BBS9: variants seen among roughly 807,000 people sequenced by gnomAD.
The protein encoded by BBS9 is protein PTHB1.
In BBS9, 89 loss-of-function variants were observed where a neutral mutation model predicts 117.7. The ratio of observed to expected loss-of-function variants is 0.76; its 90% confidence interval spans 0.64 to 0.90. The LOEUF (loss-of-function observed/expected upper bound fraction) is 0.90, where lower values mean the gene tolerates loss of function less well. Ranked by LOEUF, BBS9 falls within the 40% of genes least tolerant of loss-of-function variation. BBS9 has a pLI of 0.00. For missense variants in BBS9, 982 were observed against 1,042.2 expected (o/e 0.94, Z 0.80); for synonymous variants, 379 against 370.9 (o/e 1.02, Z -0.25).
chr7:33,507,911 C>T (rs1846374797), intron 20 of BBS9, among the ~76,000 whole-genome samples: 1 of 152,168 alleles, frequency 6.6e-6, no homozygotes, highest in Admixed American at 6.5e-5. Flanking sequence ...TCTCTCCTGA[C>T]TTGTCATGGC....
At chr7:33,275,175 G>A (rs1487166868) in intron 9 of BBS9, among the ~76,000 whole-genome samples, 1 of 152,002 alleles carries the variant, frequency 6.6e-6, no homozygotes, top group African/African-American at 2.4e-5. Context: ...TTAGAAAAAT[G>A]GAAACGGTGT....
At chr7:33,366,543 C>CTTTTTTTTTTTTTTTTTTTTTTT (rs70989948) in intron 16 of BBS9, among the ~76,000 whole-genome samples, 18 of 89,696 alleles carry the variant, frequency 2.0e-4, no homozygotes, top group Admixed American at 2.7e-4. Flanking sequence ...TCTTTTCTTT[C>CTTTTTTTTTTTTTTTTTTTTTTT]TTTTTTTTTT....
At chr7:33,161,760 C>A (rs901576643) in intron 4 of BBS9, among the ~76,000 whole-genome samples, 1 of 152,230 alleles carries the variant, frequency 6.6e-6, no homozygotes, top group African/African-American at 2.4e-5. Context: ...ATTCCTATTT[C>A]TCCTCATCCT....
chr7:33,395,161 G>T (rs951627828), intron 19 of BBS9, among the ~76,000 whole-genome samples: 1 of 143,992 alleles, frequency 6.9e-6, no homozygotes, highest in African/African-American at 2.5e-5. Flanking sequence ...ACACCTATTA[G>T]ACAGGTAACA....
chr7:33,494,265 CT>C (rs1311083451), intron 19 of BBS9, among the ~76,000 whole-genome samples: 1 of 152,120 alleles, frequency 6.6e-6, no homozygotes, highest in East Asian at 1.9e-4. Context: ...CATATAGTAC[CT>C]GGGGCAGCCC....
intron 17 of BBS9, among the ~76,000 whole-genome samples, chr7:33,373,170 C>T (rs978597815): frequency 9.2e-5 from 14 of 152,016 alleles, no homozygotes; most frequent in Non-Finnish European, 1.6e-4. Context: ...CTCTCTCCCT[C>T]TCAGACAAAG....
chr7:33,560,636 T>A (rs1855953362), intron 21 of BBS9, among the ~76,000 whole-genome samples: 1 of 152,168 alleles, frequency 6.6e-6, no homozygotes, highest in African/African-American at 2.4e-5. Flanking sequence ...GTCTGTCTCA[T>A]TAAATAAAGC....
chr7:33,579,662 A>G (rs1163815350), intron 21 of BBS9, among the ~76,000 whole-genome samples: 4 of 152,122 alleles, frequency 2.6e-5, no homozygotes, highest in Non-Finnish European at 5.9e-5. Flanking sequence ...CCATTTCAAT[A>G]AAGTGTTAGT....
intron 5 of BBS9, among the ~76,000 whole-genome samples, chr7:33,234,328 C>T (rs1475766819): frequency 6.6e-6 from 1 of 151,810 alleles, no homozygotes; most frequent in Non-Finnish European, 1.5e-5. Context: ...ATTTTTTCCC[C>T]CAGCTATTGA....
intron 5 of BBS9, among the ~76,000 whole-genome samples, chr7:33,193,523 C>T (rs192234401): frequency 6.7e-6 from 1 of 150,290 alleles, no homozygotes; most frequent in African/African-American, 2.4e-5. Context: ...TCTGTTTGGG[C>T]CTGTTTGCTT....
intron 5 of BBS9, among the ~76,000 whole-genome samples, chr7:33,195,502 C>G (rs1305103901): frequency 6.6e-6 from 1 of 152,046 alleles, no homozygotes; most frequent in Admixed American, 6.6e-5. Flanking sequence ...TCTCAATATG[C>G]TGGTGATGCA....
chr7:33,529,879 T>C (rs1850298572), intron 20 of BBS9, among the ~76,000 whole-genome samples: 1 of 152,210 alleles, frequency 6.6e-6, no homozygotes, highest in African/African-American at 2.4e-5. Flanking sequence ...AGATAAAGGT[T>C]AGGTATGTGC....
chr7:33,395,562 G>T (rs924285300), intron 19 of BBS9, among the ~76,000 whole-genome samples: 1 of 152,120 alleles, frequency 6.6e-6, no homozygotes, highest in Non-Finnish European at 1.5e-5. Flanking sequence ...TATGTGTGAT[G>T]TAATGACTAG....
chr7:33,340,040 A>G (rs1230557039), intron 10 of BBS9, among the ~76,000 whole-genome samples: 1 of 151,734 alleles, frequency 6.6e-6, no homozygotes, highest in African/African-American at 2.4e-5. Context: ...TGTTGATACT[A>G]TGAATAAATA....
chr7:33,137,505 G>A (rs776827989), intron 1 of BBS9, among the ~76,000 whole-genome samples: 1 of 152,226 alleles, frequency 6.6e-6, no homozygotes, highest in Non-Finnish European at 1.5e-5. Context: ...GCTGCAGCCA[G>A]TGTCTTCGCA....
chr7:33,228,889 A>T (rs927794374), intron 5 of BBS9, among the ~76,000 whole-genome samples: 3 of 152,130 alleles, frequency 2.0e-5, no homozygotes, highest in Non-Finnish European at 2.9e-5. Context: ...AACTCCACGT[A>T]TAAGGGGACC....
chr7:33,413,227 CT>C (rs1442375586), intron 19 of BBS9, among the ~76,000 whole-genome samples: 2 of 152,184 alleles, frequency 1.3e-5, no homozygotes, highest in Non-Finnish European at 2.9e-5. Flanking sequence ...CTCACTCCTA[CT>C]GTCAGCTGTT....
chr7:33,254,280 A>T (rs1010549872), intron 5 of BBS9, among the ~76,000 whole-genome samples: 7 of 152,078 alleles, frequency 4.6e-5, no homozygotes, highest in African/African-American at 1.4e-4. Context: ...CCTCTTAATA[A>T]TGCTATAATT....
chr7:33,184,888 G>A (rs915624796), intron 5 of BBS9, among the ~76,000 whole-genome samples: 1 of 152,124 alleles, frequency 6.6e-6, no homozygotes, highest in Non-Finnish European at 1.5e-5. Context: ...GCTGCTGATT[G>A]GCTATTTTAT....
Sources: gnomAD v4.1 joint callset for allele counts (sites outside exome capture counted in the v4.1 genomes callset) on GRCh38, gnomAD v4.1.1 for gene constraint, MANE v1.5 for transcripts, NCBI Gene and HGNC (gene_info 2026-07-23, HGNC 2026-07-21) for gene names.